The following TMCC1 variants were observed in gnomAD, a reference collection of about 807,000 sequenced individuals.
TMCC1 encodes transmembrane and coiled-coil domain family 1, also known as transmembrane and coiled-coil domains protein 1.
Under a neutral mutation model 52.4 loss-of-function variants are expected in TMCC1, and 15 were observed. The ratio of observed to expected loss-of-function variants is 0.29; its 90% CI spans 0.19 to 0.44. The LOEUF (loss-of-function observed/expected upper bound fraction) is 0.44, where lower values mean the gene tolerates loss of function less well. Ranked by LOEUF, TMCC1 falls within the 20% of genes least tolerant of loss-of-function variation. TMCC1 has a pLI of 1.00. For missense variants in TMCC1, 503 were observed against 806.0 expected, an observed-to-expected ratio of 0.62 and a Z score of 4.55; for synonymous variants, 279 against 301.9, an observed-to-expected ratio of 0.92 and a Z score of 0.79.
chr3:129,796,017 T>C (rs577778044), intron 4 of TMCC1, among the ~76,000 whole-genome samples: 1 of 152,344 alleles, frequency 6.6e-6, no homozygotes, highest in Admixed American at 6.5e-5. Context: ...TGAATTAAAC[T>C]TTATCACAGA....
chr3:129,685,955 A>G lies in TMCC1; in HGVS notation c.577-14691T>C, dbSNP rs373296822. Among the ~76,000 whole-genome samples, 7 of 152,274 alleles carry G rather than the reference A, an allele frequency of 4.6e-5. No individual in the cohort carries two copies. The East Asian group carries it at 1.4e-3, about 29-fold the overall frequency. ...CCTTCTACCTATATCCGATCCAACA[A>G]TAAGGCCAATCAATTTTACTTTCCA... On this transcript the variant is annotated intron_variant, in intron 4 of 6. Transcript: ENST00000393238.
At chr3:129,864,854 T>C (rs1157199773) in intron 2 of TMCC1, among the ~76,000 whole-genome samples, 1 of 152,232 alleles carries the variant, frequency 6.6e-6, no homozygotes, top group Non-Finnish European at 1.5e-5. Flanking sequence ...AAAAGGTTAT[T>C]TGGTAAATAA....
chr3:129,765,146 A>C (rs942133530), intron 4 of TMCC1, among the ~76,000 whole-genome samples: 11 of 150,066 alleles, frequency 7.3e-5, no homozygotes, highest in South Asian at 2.1e-4. Context: ...TCAAAAAAAA[A>C]CCCCAAAAGT....
intron 4 of TMCC1, among the ~76,000 whole-genome samples, chr3:129,718,023 A>G (rs1249906989): frequency 6.6e-6 from 1 of 152,196 alleles, no homozygotes; most frequent in Non-Finnish European, 1.5e-5. Context: ...ATTGGAAAAT[A>G]TTTTGGAGAT....
chr3:129,683,761 G>C (rs1213667444), intron 4 of TMCC1, among the ~76,000 whole-genome samples: 2 of 151,988 alleles, frequency 1.3e-5, no homozygotes, highest in Non-Finnish European at 2.9e-5. Context: ...ACCTTTTGGA[G>C]TCCCCAGTGT....
In TMCC1 at chr3:129,816,330, A is replaced by T. The variant is rs1004339380; in HGVS notation, c.576+11473T>A. On this transcript the variant is annotated intron_variant, in intron 4 of 6. Coordinates refer to ENST00000393238, the MANE Select transcript of TMCC1 (RefSeq NM_001017395.5). The stretch of plus-strand genomic sequence containing the variant: ...TCACAATAGCCAAAACATGGGATCA[A>T]TGTAACTGCCCATCAGTGGACAAAT... Among the ~76,000 whole-genome samples the T allele has an allele frequency of 2.0e-5, 3 of 152,368 alleles. No homozygotes were observed. In the East Asian group the frequency reaches 5.8e-4, roughly 29 times the overall value.
intron 4 of TMCC1, among the ~76,000 whole-genome samples, chr3:129,794,533 G>A (rs2056688752): frequency 6.9e-6 from 1 of 144,368 alleles, no homozygotes; most frequent in African/African-American, 2.5e-5. Context: ...AAGAGATACT[G>A]GAAAACCTAC....
intron 4 of TMCC1, among the ~76,000 whole-genome samples, chr3:129,791,626 G>A (rs2056471570): frequency 6.6e-6 from 1 of 152,204 alleles, no homozygotes; most frequent in South Asian, 2.1e-4. Context: ...CAGGAGACAT[G>A]GGGCAGGAAG....
chr3:129,880,885 CAG>C (rs899759214), intron 1 of TMCC1, among the ~76,000 whole-genome samples: 1 of 139,890 alleles, frequency 7.1e-6, no homozygotes, highest in African/African-American at 2.7e-5. Context: ...TTTTTTGAGA[CAG>C]AGTTTTGCTC....
At chr3:129,779,247 T>C (rs2055313741) in intron 4 of TMCC1, among the ~76,000 whole-genome samples, 1 of 152,214 alleles carries the variant, frequency 6.6e-6, no homozygotes. Context: ...ATTTTACTTC[T>C]AGTCAGCATT....
chr3:129,841,483 C>G (rs925858148), intron 2 of TMCC1, among the ~76,000 whole-genome samples: 1 of 152,072 alleles, frequency 6.6e-6, no homozygotes, highest in African/African-American at 2.4e-5. Context: ...GCTTGGGAGG[C>G]TGAGGCAGGA....
chr3:129,686,546 C>G (rs934633556), intron 4 of TMCC1, among the ~76,000 whole-genome samples: 1 of 152,190 alleles, frequency 6.6e-6, no homozygotes, highest in Non-Finnish European at 1.5e-5. Flanking sequence ...TTCTTCAACT[C>G]TCAGCCTGCC....
At chr3:129,697,617 G>C (rs1420959403) in intron 4 of TMCC1, among the ~76,000 whole-genome samples, 1 of 152,138 alleles carries the variant, frequency 6.6e-6, no homozygotes, top group Non-Finnish European at 1.5e-5. Context: ...CTTTTCTTCT[G>C]CATCACCAGG....
rs2107721218 is a variant in TMCC1, at chr3:129,779,562, T to C, written c.576+48241A>G. On this transcript the variant is annotated intron_variant, in intron 4 of 6. Transcript: ENST00000393238. ...TATCCTCAAAGCAGTAGTTATATAA[T>C]TAAAAGTTGTTTTAAAAACATACTG... 1.3e-5 allele frequency among the ~76,000 whole-genome samples: 2 copies of C among 152,310 alleles called. 1 individual carries two copies. Among genetic ancestry groups the C allele is most frequent in the South Asian group, 4.1e-4 (2 of 4,832 alleles).
chr3:129,880,761 G>A (rs2061420116), intron 1 of TMCC1, among the ~76,000 whole-genome samples: 1 of 151,924 alleles, frequency 6.6e-6, no homozygotes, highest in African/African-American at 2.4e-5. Flanking sequence ...TCCAACTAGG[G>A]ATGCTCAACT....
At chr3:129,861,309 G>A (rs377610731) in intron 2 of TMCC1, among the ~76,000 whole-genome samples, 166 of 152,030 alleles carry the variant, frequency 1.1e-3, no homozygotes, top group African/African-American at 3.5e-3. Context: ...GTGTGGTGGC[G>A]TGCACCTGTA....
intron 4 of TMCC1, among the ~76,000 whole-genome samples, chr3:129,803,359 G>C (rs1317023521): frequency 6.6e-6 from 1 of 152,126 alleles, no homozygotes. Flanking sequence ...AGGGTAGAAG[G>C]AAAGGAAGAG....
intron 4 of TMCC1, among the ~76,000 whole-genome samples, chr3:129,735,180 C>T (rs1046398090): frequency 2.6e-5 from 4 of 152,060 alleles, no homozygotes; most frequent in East Asian, 1.9e-4. Context: ...GGATTACAGG[C>T]GTGAGCCACT....
intron 2 of TMCC1, chr3:129,847,884 C>G (rs1438493482): frequency 6.6e-6 from 1 of 152,176 alleles, no homozygotes; most frequent in African/African-American, 2.4e-5. Context: ...GCAGTGGTAT[C>G]TCATTATGGT....
Sources: gnomAD v4.1 joint callset for allele counts (sites outside exome capture counted in the v4.1 genomes callset) on GRCh38, gnomAD v4.1.1 for gene constraint, MANE v1.5 for transcripts, NCBI Gene and HGNC (gene_info 2026-07-23, HGNC 2026-07-21) for gene names.